Variants in SFT2D1 observed in about 807,000 individuals in gnomAD.
SFT2D1 encodes the protein vesicle transport protein SFT2A.
Under a neutral mutation model 28.1 loss-of-function variants are expected in SFT2D1, and 24 were observed. That is an observed-to-expected ratio of 0.85 (90% CI 0.62 to 1.20). SFT2D1 has a LOEUF of 1.20. SFT2D1 is among the 50% of genes most tolerant of loss of function. The pLI is 0.00. For missense variants in SFT2D1, 181 were observed against 190.9 expected (o/e 0.95, Z 0.31); for synonymous variants, 82 against 73.7 (o/e 1.11, Z -0.58).
In SFT2D1 at chr6:166,326,265, A is replaced by C. The variant is rs553599050; in HGVS notation, c.316-98T>G. 4 of 959,780 alleles carry C rather than the reference A, an allele frequency of 4.2e-6. No individual in the cohort carries two copies. In the East Asian group the frequency reaches 1.0e-4, roughly 25 times the overall value. The allele number at this position is 959,780 out of a possible 1,614,324, so 59.5% of individuals were successfully genotyped here. A position where few individuals can be genotyped will look rare whatever the true frequency, so the allele number is the denominator to read the frequency against. ...CTGCATTCATTTACATAGGGAATAT[A>C]CTATAGAACAAAAATAAGAATACAG... On this transcript the variant is annotated intron_variant, in intron 4 of 7. Transcript: ENST00000361731.
At chr6:166,330,084 T>C in intron 2 of SFT2D1, 77 bp downstream of exon 2, 2 of 1,127,546 alleles carry the variant, frequency 1.8e-6, no homozygotes, top group Non-Finnish European at 2.4e-6. Flanking sequence ...GTAAAGGACA[T>C]TAGTTTTTGG....
At position 166,320,172 on chromosome 6, in the gene SFT2D1, T is replaced by TA. The variant is rs748330040; in HGVS notation, c.*44dup. On this transcript the variant is annotated 3_prime_UTR_variant, in exon 8 of 8. Coordinates refer to ENST00000361731, the MANE Select transcript of SFT2D1 (RefSeq NM_145169.3). ...GGGGAAAAGCAAACTTCACCAAACA[T>TA]AGAGTACCAACATTCAAGTGCTCTT... 2.5e-6 allele frequency: 4 copies of TA among 1,589,216 alleles called. No individual in the cohort carries two copies. Among genetic ancestry groups the TA allele is most frequent in the South Asian group, 1.1e-5 (1 of 88,906 alleles).
chr6:166,342,064 A>G (rs1251910796), intron 1 of SFT2D1, among the ~76,000 whole-genome samples: 1 of 152,168 alleles, frequency 6.6e-6, no homozygotes, highest in Non-Finnish European at 1.5e-5. Context: ...CTGCATAGCT[A>G]CTTACGCTGC....
chr6:166,321,284 A>G (rs570306803), intron 7 of SFT2D1, among the ~76,000 whole-genome samples: 18 of 152,178 alleles, frequency 1.2e-4, no homozygotes, highest in Non-Finnish European at 2.4e-4. Context: ...AATATCCACT[A>G]ATAAAATTCT....
At position 166,320,289 on chromosome 6, in the gene SFT2D1, T is replaced by C. The variant is rs763853485; in HGVS notation, c.441-33A>G. 3.2e-5 allele frequency: 51 copies of C among 1,586,876 alleles called. 1 individual carries two copies. The Admixed American group carries it at 7.0e-4, about 22-fold the overall frequency. On this transcript the variant is annotated intron_variant, in intron 7 of 7. Coordinates refer to ENST00000361731, the MANE Select transcript of SFT2D1 (RefSeq NM_145169.3). ...AAAAGAGAGGGAAAAAAACAGAATATAATATTCCTCAAAAGCAAAGTTGCG... is the reference window on the plus strand; with the variant it reads ...AAAAGAGAGGGAAAAAAACAGAATACAATATTCCTCAAAAGCAAAGTTGCG...
chr6:166,338,951 A>G (rs1778717826), intron 1 of SFT2D1, among the ~76,000 whole-genome samples: 1 of 152,042 alleles, frequency 6.6e-6, no homozygotes, highest in Non-Finnish European at 1.5e-5. Flanking sequence ...ATGCTCCCCT[A>G]TGACCTTCAC....
chr6:166,330,321 G>C, intron 1 of SFT2D1, 74 bp from the exon 2 acceptor site: 1 of 993,554 alleles, frequency 1.0e-6, no homozygotes. Flanking sequence ...CTAAATTAAA[G>C]CAAAGTTTTA....
chr6:166,330,651 T>C (rs1778533066), intron 1 of SFT2D1, among the ~76,000 whole-genome samples: 1 of 151,948 alleles, frequency 6.6e-6, no homozygotes, highest in Admixed American at 6.5e-5. Context: ...ACAGGTTCAT[T>C]ATCTGTTCTC....
At chr6:166,323,513 G>C (rs1284201167) in intron 6 of SFT2D1, 1 of 152,250 alleles carries the variant, frequency 6.6e-6, no homozygotes, top group Non-Finnish European at 1.5e-5. Context: ...TAAAGGAAAA[G>C]GAAAAGTACT....
intron 2 of SFT2D1, 103 bp downstream of exon 2, chr6:166,330,058 G>T: frequency 2.5e-6 from 2 of 813,442 alleles, no homozygotes; most frequent in South Asian, 2.6e-5. Flanking sequence ...CACCAAAATG[G>T]TCTAACAGGG....
chr6:166,321,667 A>G (rs926329235), intron 7 of SFT2D1, among the ~76,000 whole-genome samples: 7 of 152,258 alleles, frequency 4.6e-5, no homozygotes, highest in Non-Finnish European at 7.3e-5. Context: ...AATATATAAC[A>G]TATCTTTGAA....
intron 1 of SFT2D1, among the ~76,000 whole-genome samples, chr6:166,340,197 A>G (rs1778750788): frequency 6.6e-6 from 1 of 151,934 alleles, no homozygotes. Context: ...CACTTCTATC[A>G]CTGATTTGAG....
intron 7 of SFT2D1, among the ~76,000 whole-genome samples, chr6:166,321,966 C>G (rs574475108): frequency 6.6e-6 from 1 of 152,316 alleles, no homozygotes; most frequent in South Asian, 2.1e-4. Flanking sequence ...TCACTGCAAC[C>G]TCTGCCTCCT....
chr6:166,326,308 T>C (rs1562442738), intron 4 of SFT2D1, 141 bp from the exon 5 acceptor site: 1 of 712,700 alleles, frequency 1.4e-6, no homozygotes, highest in East Asian at 2.8e-5. Context: ...GTTTTACTTG[T>C]ATTTTCTGTA....
chr6:166,341,448 TAAA>T (rs35479577), intron 1 of SFT2D1, among the ~76,000 whole-genome samples: 19 of 128,468 alleles, frequency 1.5e-4, no homozygotes, highest in Admixed American at 1.6e-4. Context: ...AGACTCCATC[TAAA>T]AAAAAAAAAA....
intron 7 of SFT2D1, 130 bp from the exon 8 acceptor site, chr6:166,320,386 A>C (rs1319937122): frequency 1.5e-6 from 1 of 683,072 alleles, no homozygotes; most frequent in Non-Finnish European, 2.4e-6. Flanking sequence ...TTGATTAATA[A>C]AAACTTTGTT....
chr6:166,342,116 A>C (rs1371981078), intron 1 of SFT2D1, among the ~76,000 whole-genome samples: 2 of 152,092 alleles, frequency 1.3e-5, no homozygotes, highest in Admixed American at 6.5e-5. Context: ...AGAAAACCAA[A>C]TAGTACGTGG....
intron 4 of SFT2D1, 29 bp downstream of exon 4, chr6:166,328,247 A>G (rs1778487329): frequency 6.9e-7 from 1 of 1,450,680 alleles, no homozygotes; most frequent in Non-Finnish European, 9.4e-7. Flanking sequence ...TACTTCAATA[A>G]AAGTTTTAAA....
intron 1 of SFT2D1, chr6:166,334,906 C>T (rs776519514): frequency 2.6e-5 from 11 of 417,280 alleles, no homozygotes; most frequent in Middle Eastern, 8.8e-4. Context: ...TATTTGCTGG[C>T]GGCATTAAAG....
Sources: gnomAD v4.1 joint callset for allele counts (sites outside exome capture counted in the v4.1 genomes callset) on GRCh38, gnomAD v4.1.1 for gene constraint, MANE v1.5 for transcripts, NCBI Gene and HGNC (gene_info 2026-07-23, HGNC 2026-07-21) for gene names.